Variants in XRN1 observed in about 807,000 individuals in gnomAD.
XRN1 encodes the protein strand-exchange protein 1 homolog.
In XRN1, 67 loss-of-function variants were observed where a neutral mutation model predicts 222.3. That is an observed-to-expected ratio of 0.30 (90% CI 0.25 to 0.37). XRN1 has a LOEUF of 0.37. Ranked by LOEUF, XRN1 falls within the 10% of genes least tolerant of loss-of-function variation. XRN1 has a pLI of 1.00. For synonymous variants in XRN1, 643 were observed against 652.4 expected (o/e 0.99, Z 0.22); for missense variants, 1,707 against 2,000.2 (o/e 0.85, Z 2.80).
rs114087936 is a variant in XRN1 at position 142,390,756 on chromosome 3, T to G, written c.2340-6071A>C. Among the ~76,000 whole-genome samples the G allele has an allele frequency of 6.1e-3, 924 of 152,340 alleles. 12 individuals are homozygous for G. The highest frequency in any genetic ancestry group is 0.021 in the African/African-American group (883 of 41,584). On this transcript the variant is annotated intron_variant, in intron 20 of 40. Transcript: ENST00000392981. ...AACTATTTGGTGCAAGAAGCCTAGCTTTTGGCCTGTATCAGCTTTTGACAT... is the reference window on the plus strand; with the variant it reads ...AACTATTTGGTGCAAGAAGCCTAGCGTTTGGCCTGTATCAGCTTTTGACAT...
chr3:142,342,394 T>A (rs1431295121), intron 33 of XRN1, among the ~76,000 whole-genome samples: 1 of 152,106 alleles, frequency 6.6e-6, no homozygotes, highest in Non-Finnish European at 1.5e-5. Context: ...TTCAATGCAA[T>A]CCCTGTCAAA....
At chr3:142,376,699 T>C (rs547952355) in intron 23 of XRN1, 105 bp from the exon 24 acceptor site, 17 of 809,190 alleles carry the variant, frequency 2.1e-5, no homozygotes, top group East Asian at 5.6e-5. Context: ...TCACTAACCA[T>C]TGGATTGTGG....
chr3:142,391,752 ATAT>A (rs2067731429), intron 20 of XRN1, among the ~76,000 whole-genome samples: 2,023 of 49,830 alleles, frequency 0.041, 12 homozygotes, highest in South Asian at 0.1. Context: ...AAAAAAAAAT[ATAT>A]ATATATATAT....
intron 20 of XRN1, among the ~76,000 whole-genome samples, chr3:142,390,323 G>A (rs1335695803): frequency 6.6e-6 from 1 of 152,310 alleles, no homozygotes; most frequent in East Asian, 1.9e-4. Context: ...CCAATAGAAG[G>A]CTGTTTTGTC....
At chr3:142,399,403 A>C (rs75205029) in intron 19 of XRN1, among the ~76,000 whole-genome samples, 10,765 of 152,172 alleles carry the variant, frequency 0.071, 1,278 homozygotes, top group African/African-American at 0.25. Flanking sequence ...CAAATACATG[A>C]AAGTAGATCT....
intron 2 of XRN1, 41 bp downstream of exon 2, chr3:142,432,620 T>C: frequency 6.9e-7 from 1 of 1,441,136 alleles, no homozygotes; most frequent in Non-Finnish European, 9.3e-7. Context: ...ATATTTTTAC[T>C]AAGCTAAATA....
rs1162905773 is a variant in XRN1, at chr3:142,311,820, G to T, written c.4783-7C>A. The T allele has an allele frequency of 6.4e-7, 1 of 1,563,928 alleles. No homozygotes were observed. Among genetic ancestry groups the T allele is most frequent in the East Asian group, 2.3e-5 (1 of 44,414 alleles). ...CAACCCTTTTTTTAGTAACCTGTTA[G>T]GAATAAAAGCATCACTAATTAATAA... On this transcript the variant is annotated splice_polypyrimidine_tract_variant and splice_region_variant and intron_variant, in intron 40 of 40. Coordinates refer to ENST00000392981, the MANE Select transcript of XRN1 (RefSeq NM_001282857.2).
chr3:142,384,203 C>T (rs1016523618), intron 21 of XRN1, among the ~76,000 whole-genome samples: 6 of 148,752 alleles, frequency 4.0e-5, no homozygotes, highest in East Asian at 4.0e-4. Context: ...ACCCAGAAGG[C>T]GGAGCCTGCA....
chr3:142,393,399 C>T (rs1195522901), intron 20 of XRN1, among the ~76,000 whole-genome samples: 2 of 142,892 alleles, frequency 1.4e-5, no homozygotes, highest in South Asian at 2.4e-4. Context: ...AAGTCCTTGC[C>T]CATGCCTATG....
chr3:142,435,076 C>A (rs888983265), intron 1 of XRN1: 1 of 151,986 alleles, frequency 6.6e-6, no homozygotes, highest in Non-Finnish European at 1.5e-5. Context: ...AATGACAAAA[C>A]GTAGGGAAAT....
chr3:142,318,145 T>A (rs1270176550), intron 39 of XRN1, among the ~76,000 whole-genome samples: 4 of 152,056 alleles, frequency 2.6e-5, no homozygotes, highest in African/African-American at 9.7e-5. Flanking sequence ...TTTAAAACAA[T>A]AATAATTAAG....
chr3:142,403,756 C>T lies in XRN1; in HGVS notation c.2021G>A (p.Ser674Asn). The T allele has an allele frequency of 6.2e-7, 1 of 1,612,880 alleles. No individual in the cohort carries two copies. ...HIRHKFFLKK[S>N]GVQVFQQSSR... ...GCTTTGCTGGAATACTTGAACACCA[C>T]TTTTCTTCAAAAAAAACTTTAAAAG... is the stretch of plus-strand genomic sequence containing the variant. Residue 674 changes from serine to asparagine, a missense_variant, in exon 18 of 41, where the codon AGT becomes AAT. Ser to Asn is a conservative substitution (Grantham distance 46, BLOSUM62 1). Around this residue, in one of 2 missense-constraint regions of XRN1, gnomAD observed 1,234 missense variants for 1,518.2 expected, o/e 0.81. Transcript: ENST00000392981.
At chr3:142,393,689 C>T (rs538196664) in intron 20 of XRN1, among the ~76,000 whole-genome samples, 1 of 152,292 alleles carries the variant, frequency 6.6e-6, no homozygotes, top group South Asian at 2.1e-4. Context: ...TTGACATTAT[C>T]CATAACTACC....
chr3:142,350,037 A>G (rs2066261252), intron 32 of XRN1, among the ~76,000 whole-genome samples: 1 of 152,190 alleles, frequency 6.6e-6, no homozygotes, highest in Non-Finnish European at 1.5e-5. Flanking sequence ...TGGGAAAGAT[A>G]AAGTAAAGAG....
Position 142,432,848 on chromosome 3 carries a change from G to GTA in XRN1, c.119_120dup (p.His41TyrfsTer46). ...TCATCATTAGGATGGGAGCACTGAT[G>GTA]TATAATTCCATTCATATCCAGGTAC... On this transcript the variant is annotated frameshift_variant, in exon 2 of 41. Transcript: ENST00000392981. LOFTEE classifies it high-confidence loss of function. The GTA allele has an allele frequency of 6.2e-7, 1 of 1,613,630 alleles. No homozygotes were observed. The highest frequency in any genetic ancestry group is 8.5e-7 in the Non-Finnish European group (1 of 1,179,864).
chr3:142,415,452 C>T (rs1382015521), intron 13 of XRN1, among the ~76,000 whole-genome samples: 2 of 152,198 alleles, frequency 1.3e-5, no homozygotes, highest in African/African-American at 4.8e-5. Flanking sequence ...GATTACCTAA[C>T]CTTTCTCAAC....
At chr3:142,441,953 G>A (rs549102963) in intron 1 of XRN1, among the ~76,000 whole-genome samples, 10 of 152,194 alleles carry the variant, frequency 6.6e-5, no homozygotes, top group Admixed American at 1.3e-4. Context: ...CAATGAATTC[G>A]TATACAAAAA....
intron 21 of XRN1, among the ~76,000 whole-genome samples, chr3:142,383,867 C>T (rs1371540279): frequency 4.0e-5 from 6 of 151,856 alleles, no homozygotes; most frequent in Non-Finnish European, 7.4e-5. Flanking sequence ...AATAAAATGC[C>T]TTTTACATTT....
intron 33 of XRN1, among the ~76,000 whole-genome samples, chr3:142,340,554 A>C (rs747787413): frequency 6.6e-6 from 1 of 152,140 alleles, no homozygotes; most frequent in Non-Finnish European, 1.5e-5. Context: ...AAAGGTATCA[A>C]TATCCAAGGA....
Sources: allele counts gnomAD v4.1 joint callset (sites outside exome capture counted in the v4.1 genomes callset), GRCh38; gene constraint gnomAD v4.1.1; regional missense constraint gnomAD v4.1.1; transcripts MANE v1.5; gene names NCBI Gene and HGNC (gene_info 2026-07-23, HGNC 2026-07-21).